The following PPIL2 variants were observed in gnomAD, a reference collection of about 807,000 sequenced individuals.
PPIL2 encodes the protein peptidylprolyl isomerase like 2, also known as RING-type E3 ubiquitin-protein ligase PPIL2.
In PPIL2, 50 loss-of-function variants were observed where a neutral mutation model predicts 75.2. The ratio of observed to expected loss-of-function variants is 0.66; its 90% CI spans 0.53 to 0.84. The LOEUF (loss-of-function observed/expected upper bound fraction) is 0.84, where lower values mean the gene tolerates loss of function less well. PPIL2 is among the 40% of genes least tolerant of loss of function. PPIL2 has a pLI of 0.00. For missense variants in PPIL2, 590 were observed against 685.0 expected (o/e 0.86, Z 1.55); for synonymous variants, 245 against 258.8 (o/e 0.95, Z 0.51).
At chr22:21,669,752 G>C (rs148482488) in intron 1 of PPIL2, among the ~76,000 whole-genome samples, 161 bp from the exon 2 acceptor site, 1 of 152,142 alleles carries the variant, frequency 6.6e-6, no homozygotes, top group Admixed American at 6.5e-5. Flanking sequence ...CGCCTGCCTC[G>C]GGCTCCCAAA....
chr22:21,666,677 C>G (rs970925478), intron 1 of PPIL2, among the ~76,000 whole-genome samples: 5 of 151,982 alleles, frequency 3.3e-5, no homozygotes, highest in Admixed American at 6.6e-5. Flanking sequence ...GGCGTGGTGA[C>G]GGGCGCCTGT....
At chr22:21,692,960 G>A (rs1371476211) in intron 15 of PPIL2, among the ~76,000 whole-genome samples, 1 of 151,622 alleles carries the variant, frequency 6.6e-6, no homozygotes, top group East Asian at 1.9e-4. Context: ...TTATGAGGTA[G>A]TCTCTGCCTT....
intron 6 of PPIL2, among the ~76,000 whole-genome samples, chr22:21,680,372 C>G (rs1436648866): frequency 1.3e-5 from 2 of 152,080 alleles, no homozygotes; most frequent in African/African-American, 4.8e-5. Flanking sequence ...ACTAAAAATA[C>G]AAAAATTAGT....
At chr22:21,675,503 TC>T (rs1489776711) in intron 6 of PPIL2, among the ~76,000 whole-genome samples, 1 of 151,830 alleles carries the variant, frequency 6.6e-6, no homozygotes, top group African/African-American at 2.4e-5. Context: ...GCCACTGCAC[TC>T]CAGCCTGGCA....
At chr22:21,699,982 A>G (rs2068048645), downstream of PPIL2, 1 of 152,368 alleles carries the variant, frequency 6.6e-6, no homozygotes, top group Admixed American at 6.5e-5. Flanking sequence ...TAAGGAATCT[A>G]CTGGCTTAAA....
chr22:21,694,834 C>A lies in PPIL2; in HGVS notation c.1332+17C>A. ...GATGCCCAGGTGAGGGGGCACGATG[C>A]CACCACCTAGGAGGGTCTGGGCTAG... On this transcript the variant is annotated intron_variant, in intron 18 of 19. Coordinates refer to ENST00000398831, the MANE Select transcript of PPIL2 (RefSeq NM_014337.4). 1 of 1,591,902 alleles carries A rather than the reference C, an allele frequency of 6.3e-7. No individual in the cohort carries two copies. The highest frequency in any genetic ancestry group is 1.1e-5 in the South Asian group (1 of 87,960).
At chr22:21,679,621 A>G (rs923733003) in intron 6 of PPIL2, among the ~76,000 whole-genome samples, 1 of 150,156 alleles carries the variant, frequency 6.7e-6, no homozygotes, top group African/African-American at 2.4e-5. Flanking sequence ...ACAAAACAAA[A>G]AAACGGGGTC....
intron 15 of PPIL2, among the ~76,000 whole-genome samples, chr22:21,691,031 C>T (rs2067604985): frequency 8.1e-6 from 1 of 124,018 alleles, no homozygotes; most frequent in Non-Finnish European, 1.6e-5. Flanking sequence ...ATGGCGGGAT[C>T]TCGGCTCACT....
In PPIL2 at chr22:21,686,476, T is replaced by C. The variant is rs766152713; in HGVS notation, c.715-7T>C. The C allele has an allele frequency of 1.9e-6, 3 of 1,613,998 alleles. No homozygotes were observed. Among genetic ancestry groups the C allele is most frequent in the Middle Eastern group, 1.7e-4 (1 of 6,060 alleles). On this transcript the variant is annotated splice_region_variant and splice_polypyrimidine_tract_variant and intron_variant, in intron 10 of 19. Transcript: ENST00000398831. ...CTGCTGAGGTGCCACCCTGGTTTCC[T>C]TGGCAGGCCCACTATTCCACAGGGA...
At chr22:21,683,687 G>A (rs887470815) in intron 9 of PPIL2, among the ~76,000 whole-genome samples, 4 of 152,336 alleles carry the variant, frequency 2.6e-5, no homozygotes, top group African/African-American at 2.4e-5. Flanking sequence ...GGCTGAGCAC[G>A]TGAACTGGGG....
At chr22:21,698,281 A>G (rs1012863751), downstream of PPIL2, 2 of 151,952 alleles carry the variant, frequency 1.3e-5, no homozygotes, top group South Asian at 2.1e-4. Context: ...AAAAAATACA[A>G]AAGTCATAAG....
At chr22:21,684,428 G>C (rs1474520349) in intron 9 of PPIL2, among the ~76,000 whole-genome samples, 5 of 120,242 alleles carry the variant, frequency 4.2e-5, no homozygotes, top group Non-Finnish European at 8.0e-5. Context: ...CTCCAGCCTG[G>C]ACGATAGAGC....
rs2067948256 is a variant in PPIL2 at position 21,696,702 on chromosome 22, T to G, written c.*1212T>G. 1 of 1,535,540 alleles carries G rather than the reference T, an allele frequency of 6.5e-7. No homozygotes were observed. The highest frequency in any genetic ancestry group is 8.7e-7 in the Non-Finnish European group (1 of 1,146,384). On this transcript the variant is annotated 3_prime_UTR_variant, in exon 20 of 20. Coordinates refer to ENST00000398831, the MANE Select transcript of PPIL2 (RefSeq NM_014337.4). ...CACTAAGCCCTAACTTAGGCCTTGT[T>G]CTTGGTTTTCTCATTTTTGTTGCCC... is the stretch of plus-strand genomic sequence containing the variant.
At chr22:21,691,842 C>A (rs1002296058) in intron 15 of PPIL2, among the ~76,000 whole-genome samples, 1 of 152,228 alleles carries the variant, frequency 6.6e-6, no homozygotes, top group Admixed American at 6.5e-5. Context: ...AGGTCTGCAC[C>A]GTTGCAGATG....
rs1325903963 is a variant in PPIL2, at chr22:21,681,263, A to T, written c.296-36A>T. On this transcript the variant is annotated intron_variant, in intron 6 of 19. Coordinates refer to ENST00000398831, the MANE Select transcript of PPIL2 (RefSeq NM_014337.4). ...TCACTGGGATGTTCACAGCCCACAG[A>T]GGTGACTGGCCTCCCTGTGTGTGCC... 2.6e-6 allele frequency: 4 copies of T among 1,526,904 alleles called. No homozygotes were observed. The African/African-American group carries it at 5.5e-5, about 21-fold the overall frequency. 94.6% of individuals were successfully genotyped at this position (1,526,904 alleles called of 1,614,324 possible). A position where few individuals can be genotyped will look rare whatever the true frequency, so the allele number is the denominator to read the frequency against.
Position 21,696,694 on chromosome 22 carries a change from G to C in PPIL2, c.*1204G>C. Reference sequence around the variant, plus strand: ...GTTCTTCACACTAAGCCCTAACTTAGGCCTTGTTCTTGGTTTTCTCATTTT... The same window carrying C: ...GTTCTTCACACTAAGCCCTAACTTACGCCTTGTTCTTGGTTTTCTCATTTT... On this transcript the variant is annotated 3_prime_UTR_variant, in exon 20 of 20. Transcript: ENST00000398831. 5.2e-6 allele frequency: 8 copies of C among 1,534,994 alleles called. No individual in the cohort carries two copies. Among genetic ancestry groups the C allele is most frequent in the Non-Finnish European group, 7.0e-6 (8 of 1,146,318 alleles).
intron 6 of PPIL2, among the ~76,000 whole-genome samples, chr22:21,680,762 G>A (rs1253685695): frequency 7.5e-5 from 11 of 146,894 alleles, no homozygotes; most frequent in East Asian, 2.0e-4. Flanking sequence ...CCTGGGAGGC[G>A]GAGCTTGCAG....
Position 21,671,051 on chromosome 22 carries a change from T to C in PPIL2, c.183T>C (p.Phe61=), listed in dbSNP as rs1200787959. The C allele has an allele frequency of 6.2e-7, 1 of 1,609,788 alleles. No homozygotes were observed. Among genetic ancestry groups the C allele is most frequent in the African/African-American group, 1.3e-5 (1 of 74,850 alleles). The change falls in exon 4 of 20, where the codon TTT becomes TTC. Residue 61 remains phenylalanine, a synonymous_variant. Coordinates refer to ENST00000398831, the MANE Select transcript of PPIL2 (RefSeq NM_014337.4). ...YPVCTPDGIV[F]DLLNIVPWLK... ...TCTGCACTCCCGATGGCATCGTCTT[T>C]GACTTACTGTGAGTTTTTCCTTGAA... is the stretch of plus-strand genomic sequence containing the variant.
At position 21,696,537 on chromosome 22, in the gene PPIL2, A is replaced by C; in HGVS notation, c.*1047A>C. ...TCCCTCAACCCCCATTTTTCTGTTA[A>C]ATGTGCCCCTGGCTGGCTTTTTCTT... On this transcript the variant is annotated 3_prime_UTR_variant, in exon 20 of 20. Transcript: ENST00000398831. 1 of 1,351,854 alleles carries C rather than the reference A, an allele frequency of 7.4e-7. No homozygotes were observed. The highest frequency in any genetic ancestry group is 9.5e-7 in the Non-Finnish European group (1 of 1,048,282). The allele number at this position is 1,351,854 out of a possible 1,614,324, so 83.7% of individuals were successfully genotyped here. A position where few individuals can be genotyped will look rare whatever the true frequency, so the allele number is the denominator to read the frequency against.
Sources: gnomAD v4.1 joint callset for allele counts (sites outside exome capture counted in the v4.1 genomes callset) on GRCh38, gnomAD v4.1.1 for gene constraint, MANE v1.5 for transcripts, NCBI Gene and HGNC (gene_info 2026-07-23, HGNC 2026-07-21) for gene names.